Variants in RGS7 observed in about 807,000 individuals in gnomAD.
The protein encoded by RGS7 is regulator of G-protein signaling 7.
A neutral mutation model predicts 81.1 loss-of-function variants in RGS7; 27 were observed. The ratio of observed to expected loss-of-function variants is 0.33; its 90% CI spans 0.25 to 0.46. RGS7 has a LOEUF of 0.46. Ranked by LOEUF, RGS7 falls within the 20% of genes least tolerant of loss-of-function variation. The pLI is 1.00. For synonymous variants in RGS7, 208 were observed against 207.7 expected, an observed-to-expected ratio of 1.00 and a Z score of -0.01; for missense variants, 396 against 607.4, an observed-to-expected ratio of 0.65 and a Z score of 3.66.
intron 11 of RGS7, among the ~76,000 whole-genome samples, chr1:240,815,089 G>A (rs1227782926): frequency 6.6e-6 from 1 of 152,136 alleles, no homozygotes; most frequent in Non-Finnish European, 1.5e-5. Flanking sequence ...TGTAATCCTA[G>A]CACTTTGGGA....
chr1:241,071,884 A>AAAAAAAAAAAAAAAAAAAAAAAAC, intron 3 of RGS7, among the ~76,000 whole-genome samples: 1 of 147,718 alleles, frequency 6.8e-6, no homozygotes, highest in Non-Finnish European at 1.5e-5. Context: ...CAAAAAAAAA[A>AAAAAAAAAAAAAAAAAAAAAAAAC]AAAAAAAAAA....
intron 4 of RGS7, among the ~76,000 whole-genome samples, chr1:240,958,890 C>T (rs1680885845): frequency 6.6e-6 from 1 of 152,200 alleles, no homozygotes; most frequent in Admixed American, 6.5e-5. Flanking sequence ...ATATCTTTTA[C>T]TGTAGCTAAT....
chr1:241,311,294 G>A (rs549958027), intron 2 of RGS7, among the ~76,000 whole-genome samples: 2 of 152,114 alleles, frequency 1.3e-5, no homozygotes, highest in African/African-American at 4.8e-5. Context: ...AGGGTGCAAC[G>A]CTCTAAAAAT....
At chr1:240,903,437 C>T (rs528162157) in intron 6 of RGS7, among the ~76,000 whole-genome samples, 2 of 152,116 alleles carry the variant, frequency 1.3e-5, no homozygotes, top group East Asian at 1.9e-4. Context: ...CACAAATCTC[C>T]TTCGTCACTT....
intron 15 of RGS7, among the ~76,000 whole-genome samples, chr1:240,805,427 C>G (rs919279334): frequency 6.6e-6 from 1 of 152,086 alleles, no homozygotes; most frequent in African/African-American, 2.4e-5. Context: ...ACACTATCCC[C>G]TCATTACAAG....
At chr1:241,091,594 T>TAAAG (rs769662958) in intron 3 of RGS7, among the ~76,000 whole-genome samples, 18 of 135,480 alleles carry the variant, frequency 1.3e-4, no homozygotes, top group African/African-American at 5.0e-4. Context: ...AATAAATAAA[T>TAAAG]AAAAAAGCTG....
chr1:240,810,307 T>C (rs1194893676), intron 14 of RGS7, among the ~76,000 whole-genome samples: 6 of 152,204 alleles, frequency 3.9e-5, no homozygotes, highest in Admixed American at 3.9e-4. Context: ...GTAAGGCTTA[T>C]TACTTATTTA....
chr1:241,262,594 G>C (rs745926661), intron 2 of RGS7, among the ~76,000 whole-genome samples: 10 of 152,142 alleles, frequency 6.6e-5, no homozygotes, highest in Non-Finnish European at 1.5e-4. Context: ...GTTCAGAATT[G>C]TGGCCACATC....
intron 2 of RGS7, among the ~76,000 whole-genome samples, chr1:241,205,792 T>C (rs2073841139): frequency 6.6e-6 from 1 of 152,056 alleles, no homozygotes; most frequent in South Asian, 2.1e-4. Context: ...TTCCTAATCT[T>C]AACTTTAAAG....
At chr1:241,306,475 C>T (rs1358968390) in intron 2 of RGS7, among the ~76,000 whole-genome samples, 4 of 148,078 alleles carry the variant, frequency 2.7e-5, no homozygotes, top group Non-Finnish European at 6.0e-5. Context: ...CGTCCACTCA[C>T]ACACACACGC....
intron 6 of RGS7, among the ~76,000 whole-genome samples, chr1:240,895,106 C>T (rs186142001): frequency 7.0e-4 from 107 of 152,140 alleles, no homozygotes; most frequent in African/African-American, 2.5e-3. Context: ...CACTCTCTCC[C>T]TCTTGCTCCT....
At chr1:240,934,049 C>T (rs908435282) in intron 5 of RGS7, among the ~76,000 whole-genome samples, 2 of 152,110 alleles carry the variant, frequency 1.3e-5, no homozygotes, top group East Asian at 1.9e-4. Context: ...CTGCAACCTT[C>T]GCCTCCTGGG....
chr1:240,908,015 T>C (rs1310492769), intron 6 of RGS7, among the ~76,000 whole-genome samples: 2 of 152,156 alleles, frequency 1.3e-5, no homozygotes, highest in Non-Finnish European at 2.9e-5. Context: ...GGAGTCTCCT[T>C]ACAAAGTCAG....
chr1:241,027,134 T>C (rs1252158409), intron 3 of RGS7, among the ~76,000 whole-genome samples: 1 of 151,498 alleles, frequency 6.6e-6, no homozygotes, highest in Non-Finnish European at 1.5e-5. Context: ...GCCCAGAAGT[T>C]CCAGTCTGCA....
At chr1:241,201,769 T>C (rs1305653911) in intron 2 of RGS7, among the ~76,000 whole-genome samples, 1 of 152,122 alleles carries the variant, frequency 6.6e-6, no homozygotes, top group Non-Finnish European at 1.5e-5. Flanking sequence ...GATGAGAAAC[T>C]TGGTCTAATT....
intron 3 of RGS7, among the ~76,000 whole-genome samples, chr1:241,001,132 A>ATG (rs897054461): frequency 2.0e-5 from 3 of 151,934 alleles, no homozygotes; most frequent in African/African-American, 7.3e-5. Flanking sequence ...GTGTGTGTTC[A>ATG]TGTGTGTGTG....
chr1:241,312,837 G>C (rs2080628852), intron 2 of RGS7, among the ~76,000 whole-genome samples: 1 of 147,924 alleles, frequency 6.8e-6, no homozygotes, highest in Admixed American at 6.9e-5. Flanking sequence ...AGAAAGCTAA[G>C]ATAAGCCAAA....
chr1:241,343,488 C>T (rs12140072), intron 2 of RGS7, among the ~76,000 whole-genome samples: 95,776 of 152,088 alleles, frequency 0.63, 33,005 homozygotes, highest in Non-Finnish European at 0.77. Context: ...TATTATTCAG[C>T]CTTTAAAAAG....
intron 3 of RGS7, among the ~76,000 whole-genome samples, chr1:241,092,298 C>A (rs940032447): frequency 6.6e-6 from 1 of 152,178 alleles, no homozygotes; most frequent in South Asian, 2.1e-4. Flanking sequence ...TAATCATTTC[C>A]TCTTTTATTC....
Sources: gnomAD v4.1 joint callset for allele counts (sites outside exome capture counted in the v4.1 genomes callset) on GRCh38, gnomAD v4.1.1 for gene constraint, MANE v1.5 for transcripts, NCBI Gene and HGNC (gene_info 2026-07-23, HGNC 2026-07-21) for gene names.